Variants in RBPJ observed in about 807,000 individuals in gnomAD.
RBPJ encodes the protein recombination signal binding protein for immunoglobulin kappa J region, also known as recombining binding protein suppressor of hairless.
RBPJ carries 9 observed loss-of-function variants against 67.8 expected under a neutral mutation model. That is an observed-to-expected ratio of 0.13 (90% CI 0.08 to 0.23). The LOEUF (loss-of-function observed/expected upper bound fraction) is 0.23, where lower values mean the gene tolerates loss of function less well. Ranked by LOEUF, RBPJ falls within the 10% of genes least tolerant of loss-of-function variation. The pLI, the probability that RBPJ is intolerant of heterozygous loss-of-function variation, is 1.00. For missense variants in RBPJ, 305 were observed against 595.6 expected (o/e 0.51, Z 5.08); for synonymous variants, 198 against 203.3 (o/e 0.97, Z 0.22).
In RBPJ at chr4:26,415,635, G is replaced by A; in HGVS notation, c.316G>A (p.Gly106Arg). The change falls in exon 4 of 11, where the codon GGA becomes AGA. Residue 106 changes from glycine to arginine, a missense_variant. Physicochemically the swap from Gly to Arg is moderately radical, Grantham distance 125. Coordinates refer to ENST00000355476, the MANE Select transcript of RBPJ (RefSeq NM_015874.6). ...DQEMQQLNLE[G>R]KNYCTAKTLY... ...AGAAATGCAGCAGCTAAACTTGGAAGGAAAGGTAAATCAAGACTGCTAGTT... is the reference window on the plus strand; with the variant it reads ...AGAAATGCAGCAGCTAAACTTGGAAAGAAAGGTAAATCAAGACTGCTAGTT... 6.2e-7 allele frequency: 1 copy of A among 1,607,470 alleles called. No homozygotes were observed. The highest frequency in any genetic ancestry group is 8.5e-7 in the Non-Finnish European group (1 of 1,177,794).
intron 5 of RBPJ, among the ~76,000 whole-genome samples, chr4:26,421,419 T>G (rs530223149): frequency 2.6e-5 from 4 of 151,980 alleles, no homozygotes; most frequent in Non-Finnish European, 5.9e-5. Context: ...CCTCCCTGCC[T>G]CAGCCTCCTG....
intron 4 of RBPJ, among the ~76,000 whole-genome samples, chr4:26,418,840 G>A (rs1734842478): frequency 6.6e-6 from 1 of 152,082 alleles, no homozygotes; most frequent in African/African-American, 2.4e-5. Context: ...GGCTTAATTT[G>A]ACCTTCAATG....
chr4:26,286,101 T>TA (rs1339013897), intron 1 of RBPJ, among the ~76,000 whole-genome samples: 13 of 109,178 alleles, frequency 1.2e-4, no homozygotes, highest in African/African-American at 3.2e-4. Flanking sequence ...AAGCTTAGGC[T>TA]AAAAATCTTT....
intron 1 of RBPJ, among the ~76,000 whole-genome samples, chr4:26,244,349 GTATATATA>G (rs80301363): frequency 1.6e-4 from 1 of 6,430 alleles, no homozygotes; most frequent in African/African-American, 7.6e-4. Flanking sequence ...ACATATGTGT[GTATATATA>G]TGTATGCACA....
At chr4:26,167,346 G>A (rs2109113231) in intron 1 of RBPJ, among the ~76,000 whole-genome samples, 1 of 152,168 alleles carries the variant, frequency 6.6e-6, no homozygotes, top group South Asian at 2.1e-4. Flanking sequence ...TCCTACCCAT[G>A]AGCATGGAAT....
chr4:26,360,502 A>G (rs1475201906), intron 1 of RBPJ, among the ~76,000 whole-genome samples: 1 of 152,168 alleles, frequency 6.6e-6, no homozygotes, highest in Admixed American at 6.5e-5. Context: ...GATGAAAGAC[A>G]AAAGTTATAC....
intron 1 of RBPJ, among the ~76,000 whole-genome samples, chr4:26,256,289 G>GAA (rs34220565): frequency 1.6e-5 from 2 of 127,964 alleles, no homozygotes. Context: ...CTGGCTTCTG[G>GAA]AAAAAAAAAA....
At chr4:26,210,885 T>C (rs1718397599) in intron 1 of RBPJ, among the ~76,000 whole-genome samples, 1 of 151,510 alleles carries the variant, frequency 6.6e-6, no homozygotes, top group South Asian at 2.1e-4. Flanking sequence ...CCGAAGAGCC[T>C]GGATGAAAGC....
intron 2 of RBPJ, among the ~76,000 whole-genome samples, chr4:26,399,834 A>T (rs1377520552): frequency 6.6e-6 from 1 of 152,058 alleles, no homozygotes; most frequent in Non-Finnish European, 1.5e-5. Context: ...GCGTGCCACC[A>T]TGCCTGGCTA....
chr4:26,338,446 G>A (rs923159163), intron 1 of RBPJ, among the ~76,000 whole-genome samples: 29 of 150,164 alleles, frequency 1.9e-4, no homozygotes, highest in African/African-American at 6.1e-4. Flanking sequence ...GAGCCACTGC[G>A]CCCGGCCTCT....
At chr4:26,187,593 A>G (rs917212903) in intron 1 of RBPJ, among the ~76,000 whole-genome samples, 4 of 152,248 alleles carry the variant, frequency 2.6e-5, no homozygotes, top group African/African-American at 9.6e-5. Context: ...ATGGATGTAG[A>G]TATTTACTGC....
At chr4:26,160,523 A>G (rs1716055868), upstream of RBPJ, among the ~76,000 whole-genome samples, 1 of 152,172 alleles carries the variant, frequency 6.6e-6, no homozygotes, top group African/African-American at 2.4e-5. Context: ...ATCTGTCAGG[A>G]TAAGACAGTT....
At chr4:26,309,214 C>T (rs934262154) in intron 1 of RBPJ, among the ~76,000 whole-genome samples, 1 of 151,830 alleles carries the variant, frequency 6.6e-6, no homozygotes, top group African/African-American at 2.4e-5. Flanking sequence ...ATGGGGTTGT[C>T]CTATGTTGCC....
At chr4:26,167,865 GC>G (rs761911479) in intron 1 of RBPJ, among the ~76,000 whole-genome samples, 6 of 152,050 alleles carry the variant, frequency 3.9e-5, no homozygotes, top group Non-Finnish European at 8.8e-5. Flanking sequence ...GTCATAGATA[GC>G]TCTTATTATT....
At chr4:26,374,492 T>C (rs184823386) in intron 1 of RBPJ, among the ~76,000 whole-genome samples, 8 of 142,550 alleles carry the variant, frequency 5.6e-5, no homozygotes, top group African/African-American at 2.0e-4. Flanking sequence ...TTTTTTTTTT[T>C]CGAGATGGAA....
intron 1 of RBPJ, among the ~76,000 whole-genome samples, chr4:26,266,855 A>G (rs1196911439): frequency 6.6e-6 from 1 of 152,204 alleles, no homozygotes; most frequent in African/African-American, 2.4e-5. Context: ...AAACACCACA[A>G]TTCCCAGGCA....
chr4:26,322,236 G>A (rs1222550977), intron 1 of RBPJ: 3 of 152,160 alleles, frequency 2.0e-5, no homozygotes, highest in Non-Finnish European at 4.4e-5. Flanking sequence ...ATGTATATAT[G>A]TGTTTTTCTG....
chr4:26,410,186 T>C, intron 3 of RBPJ: 1 of 328,030 alleles, frequency 3.0e-6, no homozygotes, highest in South Asian at 2.4e-5. Context: ...TTGCCGATCC[T>C]GGTTCAGGCC....
At chr4:26,191,194 TATATATATATATATATAG>T (rs1283228029) in intron 1 of RBPJ, among the ~76,000 whole-genome samples, 3 of 24,296 alleles carry the variant, frequency 1.2e-4, no homozygotes, top group Non-Finnish European at 1.5e-4. Flanking sequence ...TATATATATA[TATATATATATATATATAG>T]AGAGAGAGAG....
Sources: allele counts gnomAD v4.1 joint callset (sites outside exome capture counted in the v4.1 genomes callset), GRCh38; gene constraint gnomAD v4.1.1; transcripts MANE v1.5; gene names NCBI Gene and HGNC (gene_info 2026-07-23, HGNC 2026-07-21).